Variants in PITPNC1 observed in about 807,000 individuals in gnomAD.
The protein encoded by PITPNC1 is cytoplasmic phosphatidylinositol transfer protein 1.
In PITPNC1, 18 loss-of-function variants were observed where a neutral mutation model predicts 44.7. The observed-to-expected ratio is 0.40, with a 90% CI of 0.28 to 0.60. PITPNC1 has a LOEUF of 0.60. PITPNC1 is among the 20% of genes least tolerant of loss of function. The probability of loss-of-function intolerance (pLI) is 0.39; values close to 1 mark genes in which losing one functional copy is unlikely to be tolerated. For synonymous variants in PITPNC1, 141 were observed against 149.6 expected, an observed-to-expected ratio of 0.94 and a Z score of 0.42; for missense variants, 290 against 418.4, an observed-to-expected ratio of 0.69 and a Z score of 2.68.
chr17:67,425,186 T>TGTGCGCGCGCGCGCGC (rs1447478316), intron 1 of PITPNC1, among the ~76,000 whole-genome samples: 1 of 55,724 alleles, frequency 1.8e-5, no homozygotes, highest in African/African-American at 7.6e-5. Context: ...AGCCATGTTG[T>TGTGCGCGCGCGCGCGC]GCGCGCGCAC....
intron 5 of PITPNC1, among the ~76,000 whole-genome samples, chr17:67,604,443 G>C (rs540644860): frequency 9.8e-4 from 149 of 152,338 alleles, no homozygotes; most frequent in African/African-American, 3.5e-3. Context: ...GAACACCAGA[G>C]AGATTGGCCT....
chr17:67,553,534 G>A (rs1385039033), intron 3 of PITPNC1, 76 bp from the exon 4 acceptor site: 2 of 617,868 alleles, frequency 3.2e-6, no homozygotes, highest in Non-Finnish European at 2.8e-6. Context: ...TTTTTATATT[G>A]CATATAAGCA....
intron 1 of PITPNC1, among the ~76,000 whole-genome samples, chr17:67,419,618 T>TA (rs1212664326): frequency 6.6e-6 from 1 of 151,442 alleles, no homozygotes; most frequent in Admixed American, 6.6e-5. Context: ...AAAAATAAAT[T>TA]AAAGAGGCCA....
rs117431051 is a variant in PITPNC1 at position 67,434,293 on chromosome 17, C to T, written c.48+56091C>T. Among the ~76,000 whole-genome samples the T allele has an allele frequency of 9.6e-3, 1,464 of 152,300 alleles. 24 individuals are homozygous for T. Among genetic ancestry groups the T allele is most frequent in the Non-Finnish European group, 0.014 (922 of 68,016 alleles). ...GATTACCAGAAACTACTTTGCATCC[C>T]ATTGAATGCAATCTGCTCTGTGCCT... On this transcript the variant is annotated intron_variant, in intron 1 of 8. Transcript: ENST00000581322.
At chr17:67,453,635 A>G (rs1308889078) in intron 1 of PITPNC1, among the ~76,000 whole-genome samples, 1 of 152,208 alleles carries the variant, frequency 6.6e-6, no homozygotes, top group African/African-American at 2.4e-5. Context: ...GACGTTGTGG[A>G]GGTGCTTACA....
rs542683450 is a variant in PITPNC1 at position 67,640,078 on chromosome 17, T to C, written c.462+7840T>C. On this transcript the variant is annotated intron_variant, in intron 6 of 8. Coordinates refer to ENST00000581322, the MANE Select transcript of PITPNC1 (RefSeq NM_012417.4). ...AGTTCACTTGGTTGTGCTGTTATTA[T>C]CTTTTTTTTTTTCCCGTTTCCCTCA... 3.9e-4 allele frequency among the ~76,000 whole-genome samples: 58 copies of C among 149,898 alleles called. 3 individuals carry two copies. The South Asian group carries it at 0.012, about 30-fold the overall frequency.
At chr17:67,475,709 G>T (rs1235270856) in intron 1 of PITPNC1, among the ~76,000 whole-genome samples, 1 of 152,204 alleles carries the variant, frequency 6.6e-6, no homozygotes, top group Non-Finnish European at 1.5e-5. Context: ...GGCAGGATTA[G>T]GGAGGACTGG....
At chr17:67,569,612 T>C (rs2041025005) in intron 4 of PITPNC1, among the ~76,000 whole-genome samples, 2 of 152,188 alleles carry the variant, frequency 1.3e-5, no homozygotes, top group African/African-American at 4.8e-5. Flanking sequence ...AGGCCAATTA[T>C]AGATGCTTAG....
At chr17:67,409,558 G>A (rs2038460885) in intron 1 of PITPNC1, among the ~76,000 whole-genome samples, 2 of 151,714 alleles carry the variant, frequency 1.3e-5, no homozygotes, top group Non-Finnish European at 2.9e-5. Flanking sequence ...GTGGTGGCGG[G>A]GCGGAGTTTC....
At chr17:67,599,950 G>A (rs2041519304) in intron 5 of PITPNC1, among the ~76,000 whole-genome samples, 1 of 152,172 alleles carries the variant, frequency 6.6e-6, no homozygotes, top group African/African-American at 2.4e-5. Flanking sequence ...GGAAGGATGA[G>A]GGTAGCCTGG....
At chr17:67,612,668 TGGGC>T (rs1324036017) in intron 5 of PITPNC1, 1 of 144,568 alleles carries the variant, frequency 6.9e-6, no homozygotes, top group Admixed American at 7.1e-5. Context: ...GGTGGATGGA[TGGGC>T]GGATGGATGG....
intron 1 of PITPNC1, among the ~76,000 whole-genome samples, chr17:67,406,966 A>G (rs1008956181): frequency 1.3e-5 from 2 of 152,222 alleles, no homozygotes; most frequent in Non-Finnish European, 2.9e-5. Flanking sequence ...TTTGGCTATT[A>G]TGAACATTCA....
At chr17:67,684,013 G>T (rs2042765459) in intron 8 of PITPNC1, among the ~76,000 whole-genome samples, 1 of 149,524 alleles carries the variant, frequency 6.7e-6, no homozygotes, top group Non-Finnish European at 1.5e-5. Flanking sequence ...AGAAACAGGG[G>T]ATTATGTTTC....
At chr17:67,662,056 T>G (rs1440168530) in intron 6 of PITPNC1, among the ~76,000 whole-genome samples, 2 of 152,068 alleles carry the variant, frequency 1.3e-5, no homozygotes, top group Non-Finnish European at 2.9e-5. Context: ...CCAGAGCCAG[T>G]ACATGCCCTG....
intron 2 of PITPNC1, among the ~76,000 whole-genome samples, chr17:67,541,313 G>A (rs574717968): frequency 6.6e-6 from 1 of 152,162 alleles, no homozygotes; most frequent in Non-Finnish European, 1.5e-5. Context: ...TTTCTATCAA[G>A]ATGAAATTAA....
At chr17:67,426,197 T>C (rs2038762470) in intron 1 of PITPNC1, among the ~76,000 whole-genome samples, 1 of 152,192 alleles carries the variant, frequency 6.6e-6, no homozygotes, top group South Asian at 2.1e-4. Context: ...GAAGACAGTA[T>C]GGGGATTCCT....
At chr17:67,523,209 A>T (rs964032942) in intron 1 of PITPNC1, among the ~76,000 whole-genome samples, 4 of 152,190 alleles carry the variant, frequency 2.6e-5, no homozygotes, top group Non-Finnish European at 5.9e-5. Context: ...GCTTTTTATA[A>T]TACTTATGGG....
At chr17:67,627,032 T>C (rs986918847) in intron 5 of PITPNC1, among the ~76,000 whole-genome samples, 1 of 148,692 alleles carries the variant, frequency 6.7e-6, no homozygotes, top group African/African-American at 2.5e-5. Flanking sequence ...CCAAGATGGG[T>C]GGACCATCTG....
chr17:67,477,829 C>G (rs1215472486), intron 1 of PITPNC1, among the ~76,000 whole-genome samples: 1 of 152,100 alleles, frequency 6.6e-6, no homozygotes, highest in African/African-American at 2.4e-5. Context: ...ATGAGAGAGT[C>G]CAGAACTACC....
Sources: allele counts gnomAD v4.1 joint callset (sites outside exome capture counted in the v4.1 genomes callset), GRCh38; gene constraint gnomAD v4.1.1; transcripts MANE v1.5; gene names NCBI Gene and HGNC (gene_info 2026-07-23, HGNC 2026-07-21).